Variants in PARD3B observed in about 807,000 individuals in gnomAD.
PARD3B encodes partitioning defective 3 homolog B.
In PARD3B, 103 loss-of-function variants were observed where a neutral mutation model predicts 130.2. That is an observed-to-expected ratio of 0.79 (90% confidence interval 0.67 to 0.93). The LOEUF is 0.93. PARD3B is among the 40% of genes least tolerant of loss of function. PARD3B has a pLI of 0.00. For missense variants in PARD3B, 1,609 were observed against 1,499.2 expected, an observed-to-expected ratio of 1.07 and a Z score of -1.21; for synonymous variants, 583 against 553.2, an observed-to-expected ratio of 1.05 and a Z score of -0.76.
At chr2:205,494,755 C>A (rs1024476557) in intron 20 of PARD3B, among the ~76,000 whole-genome samples, 45 of 152,280 alleles carry the variant, frequency 3.0e-4, no homozygotes, top group African/African-American at 1.0e-3. Flanking sequence ...GCCTTTCTTG[C>A]GAGGCAACAT....
chr2:205,595,725 G>A (rs1173149013), intron 22 of PARD3B, among the ~76,000 whole-genome samples: 1 of 152,162 alleles, frequency 6.6e-6, no homozygotes, highest in Non-Finnish European at 1.5e-5. Flanking sequence ...AAATCAGGGA[G>A]TTAGAGAACA....
intron 1 of PARD3B, among the ~76,000 whole-genome samples, chr2:204,618,890 T>G (rs1462118177): frequency 6.6e-6 from 1 of 152,194 alleles, no homozygotes; most frequent in Non-Finnish European, 1.5e-5. Flanking sequence ...TTTATTTTCC[T>G]TATGATTTTT....
intron 2 of PARD3B, among the ~76,000 whole-genome samples, chr2:204,942,686 C>G (rs1688996288): frequency 6.6e-6 from 1 of 151,506 alleles, no homozygotes; most frequent in Non-Finnish European, 1.5e-5. Flanking sequence ...ATAATAGGAG[C>G]AATCTTTTGT....
intron 22 of PARD3B, among the ~76,000 whole-genome samples, chr2:205,606,125 G>C (rs1045964438): frequency 2.0e-5 from 3 of 151,966 alleles, no homozygotes; most frequent in Non-Finnish European, 4.4e-5. Flanking sequence ...GCAGACTGGA[G>C]CCACAGTGAT....
intron 15 of PARD3B, among the ~76,000 whole-genome samples, chr2:205,221,444 C>T (rs1457248381): frequency 6.6e-6 from 1 of 152,140 alleles, no homozygotes; most frequent in Non-Finnish European, 1.5e-5. Context: ...CCAGCAGTAG[C>T]CCGGTTCAGC....
At chr2:205,427,752 G>A (rs1254175912) in intron 19 of PARD3B, among the ~76,000 whole-genome samples, 1 of 152,014 alleles carries the variant, frequency 6.6e-6, no homozygotes, top group Non-Finnish European at 1.5e-5. Context: ...CCTAAAAACT[G>A]AAAACAAACG....
rs201677019 is a variant in PARD3B, at chr2:205,421,150, CA to C, written c.2742-19212del. Among the ~76,000 whole-genome samples, 1,147 of 151,366 alleles carry C rather than the reference CA, an allele frequency of 7.6e-3. 5 individuals are homozygous for C. Among genetic ancestry groups the C allele is most frequent in the Non-Finnish European group, 0.011 (719 of 67,754 alleles). The stretch of plus-strand genomic sequence containing the variant: ...ATCTCAAAAAACAAAAAAAACAAAA[CA>C]AAAAAAACGGAAAAGAAAATATGTG... On this transcript the variant is annotated intron_variant, in intron 19 of 22. Coordinates refer to ENST00000406610, the MANE Select transcript of PARD3B (RefSeq NM_001302769.2). The surrounding 1 kb of genome is among the most constrained non-coding windows in gnomAD (Gnocchi z 5.1).
At chr2:204,759,079 A>G (rs929143689) in intron 2 of PARD3B, among the ~76,000 whole-genome samples, 2 of 152,130 alleles carry the variant, frequency 1.3e-5, no homozygotes, top group African/African-American at 4.8e-5. Context: ...TATCTAAGCT[A>G]TCAGGCACTT....
chr2:204,947,212 A>G (rs1029751449), intron 2 of PARD3B, among the ~76,000 whole-genome samples: 1 of 152,174 alleles, frequency 6.6e-6, no homozygotes, highest in African/African-American at 2.4e-5. Context: ...TAGTGATGCC[A>G]AACAGTTGAC....
At chr2:204,785,851 C>T (rs1193483435) in intron 2 of PARD3B, among the ~76,000 whole-genome samples, 3 of 152,194 alleles carry the variant, frequency 2.0e-5, no homozygotes, top group African/African-American at 4.8e-5. Context: ...TGGTGGCTCA[C>T]GCCTATAATC....
chr2:205,156,316 G>A (rs2034152802), intron 10 of PARD3B, among the ~76,000 whole-genome samples: 1 of 150,952 alleles, frequency 6.6e-6, no homozygotes, highest in Non-Finnish European at 1.5e-5. Context: ...AATGCTAAAT[G>A]ACGAGTTAAT....
At chr2:205,139,415 G>C (rs1559477386) in intron 10 of PARD3B, among the ~76,000 whole-genome samples, 2 of 152,078 alleles carry the variant, frequency 1.3e-5, no homozygotes, top group Non-Finnish European at 2.9e-5. Context: ...TCTTCTATTA[G>C]AAAAATATGA....
intron 20 of PARD3B, among the ~76,000 whole-genome samples, chr2:205,497,630 T>A (rs1171738640): frequency 6.6e-6 from 1 of 152,068 alleles, no homozygotes; most frequent in African/African-American, 2.4e-5. Context: ...CAAGCCTCAC[T>A]TGTCCCTCTT....
chr2:204,844,803 G>C (rs778588727), intron 2 of PARD3B, among the ~76,000 whole-genome samples: 1 of 152,000 alleles, frequency 6.6e-6, no homozygotes, highest in African/African-American at 2.4e-5. Flanking sequence ...TGAAAAAGTT[G>C]TACGTTTTAT....
At chr2:204,914,388 C>A (rs1655458762) in intron 2 of PARD3B, among the ~76,000 whole-genome samples, 1 of 152,196 alleles carries the variant, frequency 6.6e-6, no homozygotes. Context: ...AAGCCATTTT[C>A]TTAAGCTTAA....
intron 1 of PARD3B, among the ~76,000 whole-genome samples, chr2:204,583,622 T>TAAAA (rs1183973275): frequency 8.5e-5 from 6 of 70,748 alleles, no homozygotes; most frequent in East Asian, 4.9e-4. Flanking sequence ...ACTTAAAGTA[T>TAAAA]AAAAAAAAAA....
At chr2:205,188,783 CA>C (rs68034154) in intron 14 of PARD3B, among the ~76,000 whole-genome samples, 36,996 of 97,852 alleles carry the variant, frequency 0.38, 3,303 homozygotes, top group Admixed American at 0.45. Context: ...TTCTGCCTTT[CA>C]AAAAAAAAAA....
intron 16 of PARD3B, among the ~76,000 whole-genome samples, chr2:205,284,304 T>C (rs966385669): frequency 6.6e-6 from 1 of 152,244 alleles, no homozygotes; most frequent in Non-Finnish European, 1.5e-5. Flanking sequence ...GTTTTTGTTT[T>C]TCTGCTTTAA....
chr2:205,619,246 C>T lies in PARD3B; in HGVS notation c.*3433C>T, dbSNP rs1575501327. Reference sequence around the variant, plus strand: ...TCATTTCTCTTTTCCCTGGTATGCACAAATATCAAGCCTATAAAAAAGTAA... The same window carrying T: ...TCATTTCTCTTTTCCCTGGTATGCATAAATATCAAGCCTATAAAAAAGTAA... On this transcript the variant is annotated 3_prime_UTR_variant, in exon 23 of 23. Transcript: ENST00000406610. 1 of 152,144 alleles carries T rather than the reference C, an allele frequency of 6.6e-6. No homozygotes were observed. The allele number at this position is 152,144 out of a possible 1,614,324, so 9.4% of individuals were successfully genotyped here.
Sources: gnomAD v4.1 joint callset for allele counts (sites outside exome capture counted in the v4.1 genomes callset) on GRCh38, gnomAD v4.1.1 for gene constraint, Gnocchi (gnomAD v3.1) non-coding constraint, MANE v1.5 for transcripts, NCBI Gene and HGNC (gene_info 2026-07-23, HGNC 2026-07-21) for gene names.